The following NFU1 variants were observed in gnomAD, a reference collection of about 807,000 sequenced individuals.
NFU1 encodes NFU1 iron-sulfur cluster scaffold homolog, mitochondrial.
A neutral mutation model predicts 32.2 loss-of-function variants in NFU1; 30 were observed. The observed-to-expected ratio is 0.93, with a 90% CI of 0.70 to 1.26. The LOEUF is 1.26. NFU1 is among the 50% of genes most tolerant of loss of function. The probability of loss-of-function intolerance (pLI) is 0.00; values close to 1 mark genes in which losing one functional copy is unlikely to be tolerated. For missense variants in NFU1, 306 were observed against 306.6 expected (o/e 1.00, Z 0.02); for synonymous variants, 112 against 104.6 (o/e 1.07, Z -0.43).
At chr2:69,396,332 G>A in intron 7 of NFU1, 42 bp from the exon 8 acceptor site, 1 of 1,478,058 alleles carries the variant, frequency 6.8e-7, no homozygotes, top group Non-Finnish European at 9.4e-7. Context: ...TTAAGAAAAT[G>A]ATTAGATTTT....
chr2:69,418,752 A>G (rs1673143672), intron 4 of NFU1, among the ~76,000 whole-genome samples: 1 of 151,802 alleles, frequency 6.6e-6, no homozygotes, highest in Non-Finnish European at 1.5e-5. Flanking sequence ...TACAGGCGTG[A>G]GCCACCACAC....
At chr2:69,425,310 G>A (rs1445796719) in intron 2 of NFU1, among the ~76,000 whole-genome samples, 2 of 151,692 alleles carry the variant, frequency 1.3e-5, no homozygotes, top group East Asian at 3.9e-4. Context: ...ACAGGTGTAA[G>A]CCATCATGTC....
intron 7 of NFU1, among the ~76,000 whole-genome samples, chr2:69,396,828 T>C (rs1672353281): frequency 6.6e-6 from 1 of 151,764 alleles, no homozygotes; most frequent in African/African-American, 2.4e-5. Context: ...ATCCCAGCAC[T>C]TTGGGAGGCT....
chr2:69,401,110 T>C (rs1354356263), intron 6 of NFU1, among the ~76,000 whole-genome samples: 5 of 152,204 alleles, frequency 3.3e-5, no homozygotes, highest in African/African-American at 7.2e-5. Flanking sequence ...AAACTTTTCA[T>C]TGAAATACAA....
chr2:69,402,068 T>C (rs1201525309), intron 6 of NFU1, among the ~76,000 whole-genome samples: 1 of 152,078 alleles, frequency 6.6e-6, no homozygotes, highest in African/African-American at 2.4e-5. Context: ...TAATTTTTTG[T>C]ATTTTTAGTA....
chr2:69,418,398 C>G (rs1484575371), intron 4 of NFU1, among the ~76,000 whole-genome samples: 1 of 152,112 alleles, frequency 6.6e-6, no homozygotes, highest in African/African-American at 2.4e-5. Flanking sequence ...GACTTTGTCT[C>G]TAAATAAATA....
chr2:69,400,437 G>C lies in NFU1; in HGVS notation c.647C>G (p.Ser216Ter). ...AATTCCATTTTTCAGAGTAATGATTGAACTAGGGCAGCTGGTACAAGAACC... is the reference window on the plus strand; with the variant it reads ...AATTCCATTTTTCAGAGTAATGATTCAACTAGGGCAGCTGGTACAAGAACC... ...LQGSCTSCPS[S>*]IITLKNGIQN... The change falls in exon 7 of 8, where the codon TCA becomes TGA. Residue 216 changes from serine to a stop codon, truncating the protein, a stop_gained. Coordinates refer to ENST00000410022, the MANE Select transcript of NFU1 (RefSeq NM_001002755.4). LOFTEE classifies it high-confidence loss of function. 1 of 1,614,062 alleles carries C rather than the reference G, an allele frequency of 6.2e-7. No individual in the cohort carries two copies. Among genetic ancestry groups the C allele is most frequent in the Middle Eastern group, 1.6e-4 (1 of 6,062 alleles).
chr2:69,416,813 G>A (rs748621104), intron 4 of NFU1, among the ~76,000 whole-genome samples: 7 of 152,256 alleles, frequency 4.6e-5, no homozygotes, highest in South Asian at 2.1e-4. Flanking sequence ...AAGGAGAATC[G>A]CTTGAACCCG....
chr2:69,415,425 G>A, intron 4 of NFU1, 126 bp from the exon 5 acceptor site: 1 of 659,926 alleles, frequency 1.5e-6, no homozygotes, highest in South Asian at 1.7e-5. Flanking sequence ...GCCCAGGCTG[G>A]ATGGAGTACA....
intron 6 of NFU1, among the ~76,000 whole-genome samples, chr2:69,400,745 T>G (rs1375016478): frequency 6.6e-6 from 1 of 152,048 alleles, no homozygotes; most frequent in Non-Finnish European, 1.5e-5. Context: ...CAAAATTCAC[T>G]CATACAAATA....
chr2:69,419,496 G>A (rs779031661), intron 4 of NFU1, 42 bp downstream of exon 4: 54 of 1,041,996 alleles, frequency 5.2e-5, no homozygotes, highest in Admixed American at 3.7e-4. Flanking sequence ...AGAAAAAAAT[G>A]AAGAGTATTT....
chr2:69,400,791 A>G (rs1056249470), intron 6 of NFU1, among the ~76,000 whole-genome samples: 1 of 151,956 alleles, frequency 6.6e-6, no homozygotes, highest in African/African-American at 2.4e-5. Flanking sequence ...TTGCTTGCTA[A>G]TATCTTTTTA....
chr2:69,408,235 T>A (rs1177731172), intron 5 of NFU1, among the ~76,000 whole-genome samples: 45 of 152,172 alleles, frequency 3.0e-4, no homozygotes, highest in Admixed American at 2.9e-3. Context: ...CTATTCTATA[T>A]CTTGCTCTTT....
chr2:69,433,324 G>T (rs1253896546), intron 1 of NFU1, among the ~76,000 whole-genome samples: 1 of 150,960 alleles, frequency 6.6e-6, no homozygotes, highest in African/African-American at 2.4e-5. Flanking sequence ...GATTACAGGT[G>T]CCCGCCACCA....
chr2:69,431,169 A>G (rs1252404878), intron 2 of NFU1, among the ~76,000 whole-genome samples: 1 of 152,142 alleles, frequency 6.6e-6, no homozygotes, highest in Non-Finnish European at 1.5e-5. Flanking sequence ...TTTTGAATGT[A>G]GTTTTTTACT....
Position 69,406,072 on chromosome 2 carries a change from T to A in NFU1, c.495A>T (p.Glu165Asp), listed in dbSNP as rs886056266. 2 of 1,589,356 alleles carry A rather than the reference T, an allele frequency of 1.3e-6. No homozygotes were observed. Among genetic ancestry groups the A allele is most frequent in the South Asian group, 1.1e-5 (1 of 90,572 alleles). The change falls in exon 6 of 8, where the codon GAA becomes GAT. Residue 165 changes from glutamate (E) to aspartate (D), a missense_variant. Transcript: ENST00000410022. ...TAATCATTGCCACAACTTCATCATC[T>A]TCTTCAGATCCTAGAAATAATTACA... is the stretch of plus-strand genomic sequence containing the variant. Reference protein sequence around the residue: ...ETPSGEAGSEEDDEVVAMIKE... With the variant: ...ETPSGEAGSEDDDEVVAMIKE...
intron 5 of NFU1, among the ~76,000 whole-genome samples, chr2:69,414,591 T>C (rs1672990935): frequency 8.0e-6 from 1 of 124,498 alleles, no homozygotes; most frequent in Non-Finnish European, 1.6e-5. Flanking sequence ...GCACTCCAAC[T>C]GGGGTGACAG....
At chr2:69,421,450 C>T (rs1411607879) in intron 3 of NFU1, among the ~76,000 whole-genome samples, 1 of 151,358 alleles carries the variant, frequency 6.6e-6, no homozygotes, top group South Asian at 2.1e-4. Flanking sequence ...ATTGAGGCTT[C>T]GGTTCCCCAA....
chr2:69,403,505 C>T (rs1272624013), intron 6 of NFU1, among the ~76,000 whole-genome samples: 2 of 152,054 alleles, frequency 1.3e-5, no homozygotes, highest in African/African-American at 4.8e-5. Flanking sequence ...ATCTTCCCGC[C>T]TCAGGAACAG....
Sources: gnomAD v4.1 joint callset for allele counts (sites outside exome capture counted in the v4.1 genomes callset) on GRCh38, gnomAD v4.1.1 for gene constraint, MANE v1.5 for transcripts, NCBI Gene and HGNC (gene_info 2026-07-23, HGNC 2026-07-21) for gene names.